The following ARID1B variants were observed in gnomAD, a reference collection of about 807,000 sequenced individuals.
ARID1B encodes AT-rich interaction domain 1B.
In ARID1B, 30 loss-of-function variants were observed where a neutral mutation model predicts 212.3. The ratio of observed to expected loss-of-function variants is 0.14; its 90% CI spans 0.11 to 0.19. The LOEUF is 0.19. Ranked by LOEUF, ARID1B falls within the 10% of genes least tolerant of loss-of-function variation. The pLI, the probability that ARID1B is intolerant of heterozygous loss-of-function variation, is 1.00. For synonymous variants in ARID1B, 1,402 were observed against 1,301.7 expected (o/e 1.08, Z -1.66); for missense variants, 2,891 against 3,204.0 (o/e 0.90, Z 2.36).
At chr6:157,058,752 G>T (rs1484412964) in intron 4 of ARID1B, among the ~76,000 whole-genome samples, 1 of 152,202 alleles carries the variant, frequency 6.6e-6, no homozygotes, top group Non-Finnish European at 1.5e-5. Context: ...GGTGGCAGAC[G>T]TGGTTCTGGC....
chr6:156,949,868 A>G (rs1417017060), intron 4 of ARID1B, among the ~76,000 whole-genome samples: 1 of 152,216 alleles, frequency 6.6e-6, no homozygotes, highest in African/African-American at 2.4e-5. Context: ...TGAGCTACCA[A>G]AAACTAAACT....
intron 2 of ARID1B, among the ~76,000 whole-genome samples, chr6:156,879,409 A>T (rs971027976): frequency 6.7e-6 from 1 of 149,148 alleles, no homozygotes; most frequent in Non-Finnish European, 1.5e-5. Context: ...ATTTACAATC[A>T]CTTTTGTGGC....
intron 4 of ARID1B, among the ~76,000 whole-genome samples, chr6:156,954,494 A>G (rs1440347804): frequency 6.6e-6 from 1 of 152,206 alleles, no homozygotes; most frequent in Non-Finnish European, 1.5e-5. Flanking sequence ...ATGAATCTTA[A>G]TAGTTTGTAT....
chr6:156,969,531 T>A (rs958506396), intron 4 of ARID1B, among the ~76,000 whole-genome samples: 6 of 152,250 alleles, frequency 3.9e-5, no homozygotes, highest in Non-Finnish European at 8.8e-5. Context: ...GAGCCACATT[T>A]ATTTGCATTT....
chr6:156,977,990 C>A (rs1455349843), intron 4 of ARID1B, among the ~76,000 whole-genome samples: 1 of 152,154 alleles, frequency 6.6e-6, no homozygotes, highest in Non-Finnish European at 1.5e-5. Context: ...AGCAGGAACT[C>A]TTCTGTGTGA....
chr6:157,127,886 T>C (rs766801255), intron 6 of ARID1B, among the ~76,000 whole-genome samples: 2 of 142,160 alleles, frequency 1.4e-5, no homozygotes, highest in Non-Finnish European at 3.0e-5. Flanking sequence ...CACTTGAACC[T>C]GGGAGGCAGA....
chr6:156,976,042 G>A (rs976156803), intron 4 of ARID1B, among the ~76,000 whole-genome samples: 2 of 152,030 alleles, frequency 1.3e-5, no homozygotes, highest in African/African-American at 2.4e-5. Flanking sequence ...TCACAAGGAC[G>A]GGGGAATATC....
chr6:157,017,834 A>G (rs1290334438), intron 4 of ARID1B, among the ~76,000 whole-genome samples: 1 of 152,082 alleles, frequency 6.6e-6, no homozygotes, highest in African/African-American at 2.4e-5. Flanking sequence ...CATCTCTAAA[A>G]TGGAAACTGG....
intron 1 of ARID1B, among the ~76,000 whole-genome samples, chr6:156,816,018 C>T (rs1327571795): frequency 1.3e-5 from 2 of 152,146 alleles, no homozygotes; most frequent in African/African-American, 4.8e-5. Context: ...TGTTATGAAT[C>T]TTGAAGAATG....
At chr6:156,782,548 C>T (rs1206733762) in intron 1 of ARID1B, among the ~76,000 whole-genome samples, 2 of 152,004 alleles carry the variant, frequency 1.3e-5, no homozygotes, top group South Asian at 2.1e-4. Context: ...TTTTATAAAA[C>T]GTAGTACAAT....
chr6:156,970,555 A>G (rs1318976521), intron 4 of ARID1B, among the ~76,000 whole-genome samples: 1 of 152,248 alleles, frequency 6.6e-6, no homozygotes, highest in East Asian at 1.9e-4. Flanking sequence ...CATTAAAAAC[A>G]ATTTGTTCAA....
At chr6:156,983,141 G>A (rs929624211) in intron 4 of ARID1B, among the ~76,000 whole-genome samples, 1 of 151,744 alleles carries the variant, frequency 6.6e-6, no homozygotes, top group Non-Finnish European at 1.5e-5. Context: ...AGTGGCTCAC[G>A]CCTGTAATCC....
chr6:157,143,704 A>C (rs1333635582), intron 7 of ARID1B, among the ~76,000 whole-genome samples: 2 of 152,204 alleles, frequency 1.3e-5, no homozygotes, highest in Non-Finnish European at 2.9e-5. Context: ...CAGATGCTGA[A>C]GCCTGTGCTT....
At chr6:157,040,332 G>A (rs1781802770) in intron 4 of ARID1B, among the ~76,000 whole-genome samples, 1 of 152,202 alleles carries the variant, frequency 6.6e-6, no homozygotes, top group Non-Finnish European at 1.5e-5. Flanking sequence ...TAAGCACTGG[G>A]AAAGGTAACT....
In ARID1B at chr6:157,210,623, C is replaced by T. The variant is rs576410140; in HGVS notation, c.*2732C>T. On this transcript the variant is annotated 3_prime_UTR_variant, in exon 20 of 20. Transcript: ENST00000636930. The stretch of plus-strand genomic sequence containing the variant: ...ATCTTGCCTATAAACTGAGTTATTG[C>T]TTTGTCCTAAAAATTAGTCGGTTTT... The T allele has an allele frequency of 4.4e-6, 1 of 228,142 alleles. No individual in the cohort carries two copies. Among genetic ancestry groups the T allele is most frequent in the South Asian group, 1.8e-4 (1 of 5,454 alleles). 14.1% of individuals were successfully genotyped at this position (228,142 alleles called of 1,614,324 possible).
intron 4 of ARID1B, among the ~76,000 whole-genome samples, chr6:156,983,506 A>G (rs905493945): frequency 6.6e-6 from 1 of 152,156 alleles, no homozygotes; most frequent in Non-Finnish European, 1.5e-5. Flanking sequence ...CAGCTTTTTC[A>G]CTGGGGACTT....
chr6:156,949,963 T>A (rs1793452905), intron 4 of ARID1B, among the ~76,000 whole-genome samples: 1 of 147,728 alleles, frequency 6.8e-6, no homozygotes, highest in Non-Finnish European at 1.5e-5. Context: ...GAATTATTTC[T>A]AACTTGTGAA....
intron 8 of ARID1B, among the ~76,000 whole-genome samples, chr6:157,157,744 C>T (rs574186131): frequency 2.0e-5 from 3 of 152,272 alleles, no homozygotes; most frequent in South Asian, 2.1e-4. Context: ...CCAAACAGGC[C>T]GGGCACAGTG....
intron 4 of ARID1B, among the ~76,000 whole-genome samples, chr6:156,951,014 A>G (rs887513812): frequency 6.6e-6 from 1 of 152,208 alleles, no homozygotes; most frequent in Non-Finnish European, 1.5e-5. Flanking sequence ...AATGATCAAA[A>G]TTTAAGAATT....
Sources: gnomAD v4.1 joint callset for allele counts (sites outside exome capture counted in the v4.1 genomes callset) on GRCh38, gnomAD v4.1.1 for gene constraint, MANE v1.5 for transcripts, NCBI Gene and HGNC (gene_info 2026-07-23, HGNC 2026-07-21) for gene names.